The following ACTN2 variants were observed in gnomAD, a reference collection of about 807,000 sequenced individuals.
The protein encoded by ACTN2 is alpha-actinin-2.
ACTN2 carries 39 observed loss-of-function variants against 113.8 expected under a neutral mutation model. The ratio of observed to expected loss-of-function variants is 0.34; its 90% confidence interval spans 0.27 to 0.45. The LOEUF (loss-of-function observed/expected upper bound fraction) is 0.45, where lower values mean the gene tolerates loss of function less well. Ranked by LOEUF, ACTN2 falls within the 20% of genes least tolerant of loss-of-function variation. The pLI, the probability that ACTN2 is intolerant of heterozygous loss-of-function variation, is 1.00. For synonymous variants in ACTN2, 429 were observed against 444.1 expected (o/e 0.97, Z 0.43); for missense variants, 992 against 1,177.9 (o/e 0.84, Z 2.31).
intron 10 of ACTN2, among the ~76,000 whole-genome samples, chr1:236,742,072 T>C (rs1659086967): frequency 6.6e-6 from 1 of 152,124 alleles, no homozygotes; most frequent in South Asian, 2.1e-4. Context: ...CACTGTCTTT[T>C]TCTGTCATTG....
intron 19 of ACTN2, among the ~76,000 whole-genome samples, chr1:236,760,474 T>G (rs1257345289): frequency 2.0e-5 from 3 of 152,158 alleles, no homozygotes; most frequent in African/African-American, 4.8e-5. Flanking sequence ...TGCTGAAAGG[T>G]AAAAAAGGTT....
intron 14 of ACTN2, among the ~76,000 whole-genome samples, chr1:236,750,289 C>T (rs776014782): frequency 4.0e-5 from 6 of 151,882 alleles, no homozygotes; most frequent in Non-Finnish European, 8.8e-5. Context: ...GATTTGAAAC[C>T]ACACCTCCCT....
At chr1:236,698,205 G>A (rs1657574464) in intron 1 of ACTN2, among the ~76,000 whole-genome samples, 1 of 132,854 alleles carries the variant, frequency 7.5e-6, no homozygotes, top group Non-Finnish European at 1.6e-5. Flanking sequence ...AGGCTTTATT[G>A]AACATTTGTA....
At chr1:236,739,195 T>C in intron 9 of ACTN2, 107 bp from the exon 10 acceptor site, 1 of 1,171,754 alleles carries the variant, frequency 8.5e-7, no homozygotes, top group Non-Finnish European at 1.3e-6. Context: ...TCAGTGATTT[T>C]AGGAACATTC....
intron 7 of ACTN2, among the ~76,000 whole-genome samples, chr1:236,731,698 T>G (rs1658716425): frequency 6.6e-6 from 1 of 152,238 alleles, no homozygotes; most frequent in Admixed American, 6.5e-5. Flanking sequence ...AATCCCTTTG[T>G]GACATACTTA....
chr1:236,691,889 G>A (rs1361740353), intron 1 of ACTN2, among the ~76,000 whole-genome samples: 4 of 152,208 alleles, frequency 2.6e-5, no homozygotes, highest in East Asian at 3.8e-4. Context: ...GATAATACCC[G>A]ATGCTAAAGA....
intron 19 of ACTN2, 99 bp from the exon 20 acceptor site, chr1:236,760,916 A>G: frequency 1.4e-6 from 2 of 1,474,014 alleles, no homozygotes; most frequent in East Asian, 4.5e-5. Flanking sequence ...CAGTTTTCAG[A>G]CATAAAGGAA....
At chr1:236,707,709 CTTTTTTTTTTTTTTT>C (rs5781919) in intron 1 of ACTN2, among the ~76,000 whole-genome samples, 2 of 78,758 alleles carry the variant, frequency 2.5e-5, no homozygotes, top group Admixed American at 1.7e-4. Context: ...TCTTTTTTTT[CTTTTTTTTTTTTTTT>C]TTTTTGAGAT....
chr1:236,738,481 C>T (rs1475651134), intron 9 of ACTN2, among the ~76,000 whole-genome samples: 1 of 152,330 alleles, frequency 6.6e-6, no homozygotes, highest in East Asian at 1.9e-4. Context: ...GACAGGGTTG[C>T]CAGACATGAA....
chr1:236,721,129 G>A (rs1455397329), intron 4 of ACTN2, among the ~76,000 whole-genome samples: 1 of 143,958 alleles, frequency 6.9e-6, no homozygotes, highest in Admixed American at 7.3e-5. Context: ...CTGGGTCCAC[G>A]CCATTCTCCT....
chr1:236,688,232 A>G (rs1225687711), intron 1 of ACTN2, among the ~76,000 whole-genome samples: 1 of 151,994 alleles, frequency 6.6e-6, no homozygotes, highest in Non-Finnish European at 1.5e-5. Context: ...TGCACTTTTC[A>G]TGGATTAAAA....
At chr1:236,762,406 T>G (rs1659732890) in intron 20 of ACTN2, 55 bp from the exon 21 acceptor site, 2 of 1,603,326 alleles carry the variant, frequency 1.2e-6, no homozygotes, top group African/African-American at 1.3e-5. Flanking sequence ...ATTAAGACTG[T>G]TTATGTTGTG....
intron 17 of ACTN2, among the ~76,000 whole-genome samples, chr1:236,755,479 C>G (rs530125601): frequency 6.6e-6 from 1 of 152,328 alleles, no homozygotes; most frequent in South Asian, 2.1e-4. Flanking sequence ...TGGACTGTTG[C>G]ATTTCTGCCA....
At chr1:236,745,506 G>A (rs1170507044) in intron 12 of ACTN2, among the ~76,000 whole-genome samples, 1 of 152,214 alleles carries the variant, frequency 6.6e-6, no homozygotes, top group Non-Finnish European at 1.5e-5. Context: ...GAGACGTCAG[G>A]ACCCCACTTT....
chr1:236,687,086 C>G (rs1312737892), intron 1 of ACTN2, among the ~76,000 whole-genome samples: 1 of 152,114 alleles, frequency 6.6e-6, no homozygotes, highest in East Asian at 1.9e-4. Context: ...GAAGGGGTCT[C>G]TGGTCTGCTC....
In ACTN2 at chr1:236,723,662, G is replaced by T. The variant is rs56904538; in HGVS notation, c.449-2271G>T. ...TGTATTTTTAGTAGAGATGGGATTC[G>T]CCATCTTGGGTCTTGAACTCCTGAC... On this transcript the variant is annotated intron_variant, in intron 4 of 20. Coordinates refer to ENST00000366578, the MANE Select transcript of ACTN2 (RefSeq NM_001103.4). Among the ~76,000 whole-genome samples, 303 of 151,972 alleles carry T rather than the reference G, an allele frequency of 2.0e-3. 1 individual carries two copies. The highest frequency in any genetic ancestry group is 3.4e-3 in the Non-Finnish European group (228 of 67,932).
chr1:236,688,194 T>A (rs978292426), intron 1 of ACTN2, among the ~76,000 whole-genome samples: 18 of 152,128 alleles, frequency 1.2e-4, no homozygotes, highest in East Asian at 3.9e-4. Flanking sequence ...TGTTTTTTTT[T>A]AAAAGAATTT....
intron 17 of ACTN2, 54 bp from the exon 18 acceptor site, chr1:236,757,432 G>C: frequency 6.2e-7 from 1 of 1,610,956 alleles, no homozygotes; most frequent in Non-Finnish European, 8.5e-7. Context: ...TAAAGAGGCA[G>C]AGTTGACATG....
At chr1:236,746,180 A>AAAAG (rs1553303295) in intron 12 of ACTN2, among the ~76,000 whole-genome samples, 130 of 151,034 alleles carry the variant, frequency 8.6e-4, no homozygotes, top group African/African-American at 3.1e-3. Context: ...AAAAAAAAAA[A>AAAAG]AAAGAAAGAA....
Sources: allele counts gnomAD v4.1 joint callset (sites outside exome capture counted in the v4.1 genomes callset), GRCh38; gene constraint gnomAD v4.1.1; transcripts MANE v1.5; gene names NCBI Gene and HGNC (gene_info 2026-07-23, HGNC 2026-07-21).